Variants in ABCG1 observed in about 807,000 individuals in gnomAD.
The protein encoded by ABCG1 is ATP binding cassette subfamily G member 1.
In ABCG1, 29 loss-of-function variants were observed where a neutral mutation model predicts 69.2. That is an observed-to-expected ratio of 0.42 (90% CI 0.31 to 0.57). ABCG1 has a LOEUF of 0.57. Among genes scored for constraint, ABCG1 ranks in the 20% least tolerant of loss-of-function variants. The probability of loss-of-function intolerance (pLI) is 0.15; values close to 1 mark genes in which losing one functional copy is unlikely to be tolerated. For synonymous variants in ABCG1, 370 were observed against 374.8 expected (o/e 0.99, Z 0.15); for missense variants, 718 against 898.1 (o/e 0.80, Z 2.56).
In ABCG1 at chr21:42,219,508, CTTGCACCGGCAGAGAGCACGGACTA is replaced by C. The variant is rs2067686313; in HGVS notation, c.42+205_42+229del. 6.6e-6 allele frequency among the ~76,000 whole-genome samples: 1 copy of C among 152,190 alleles called. No individual in the cohort carries two copies. Among genetic ancestry groups the C allele is most frequent in the African/African-American group, 2.4e-5 (1 of 41,458 alleles). On this transcript the variant is annotated intron_variant, in intron 1 of 14. Transcript: ENST00000398449. This position sits in a 1 kb window ranked among gnomAD's most constrained non-coding sequence, Gnocchi z 5.3. ...GGCCACCTGGAGCCTCGGGATGCCC[CTTGCACCGGCAGAGAGCACGGACTA>C]GGTGGAGGGGCCGGGAGTGGGGCGG...
intron 2 of ABCG1, chr21:42,256,632 G>A (rs1447964324): frequency 2.7e-6 from 4 of 1,488,618 alleles, no homozygotes; most frequent in Non-Finnish European, 3.6e-6. Flanking sequence ...CTCTCAGAGT[G>A]CTGGGGACAG....
chr21:42,205,597 C>CAA (rs538097170), intron 2 of ABCG1, among the ~76,000 whole-genome samples: 1 of 117,688 alleles, frequency 8.5e-6, no homozygotes, highest in African/African-American at 3.1e-5. Context: ...GACTCCATCT[C>CAA]AAAAAAAAAA....
At chr21:42,280,788 C>G (rs2068794162) in intron 5 of ABCG1, among the ~76,000 whole-genome samples, 1 of 152,242 alleles carries the variant, frequency 6.6e-6, no homozygotes, top group Admixed American at 6.5e-5. Flanking sequence ...ACCAGAGCCA[C>G]TCAGTCGGCC....
At chr21:42,282,783 C>T (rs1051294288) in intron 6 of ABCG1, among the ~76,000 whole-genome samples, 5 of 152,236 alleles carry the variant, frequency 3.3e-5, no homozygotes, top group African/African-American at 7.2e-5. Context: ...GTTCTGGAAA[C>T]GCCCTGCAGT....
At chr21:42,274,360 T>C (rs1008774668) in intron 4 of ABCG1, among the ~76,000 whole-genome samples, 1 of 152,126 alleles carries the variant, frequency 6.6e-6, no homozygotes, top group African/African-American at 2.4e-5. Context: ...CTTCCCCTCT[T>C]GGGGCCACAG....
intron 1 of ABCG1, chr21:42,221,284 G>A (rs774016147): frequency 2.6e-5 from 4 of 152,084 alleles, no homozygotes; most frequent in East Asian, 3.8e-4. Flanking sequence ...GGGGCTGTAG[G>A]GTTAAAAGAA....
intron 1 of ABCG1, among the ~76,000 whole-genome samples, chr21:42,223,031 T>G (rs2123509721): frequency 6.6e-6 from 1 of 152,188 alleles, no homozygotes; most frequent in East Asian, 1.9e-4. Flanking sequence ...TCCCCAAAGA[T>G]CTCTAGATAA....
At chr21:42,295,987 A>T (rs1286423090) in intron 14 of ABCG1, among the ~76,000 whole-genome samples, 177 bp from the exon 15 acceptor site, 2 of 152,116 alleles carry the variant, frequency 1.3e-5, no homozygotes. Context: ...GAGCTGTTGC[A>T]CGTGTTTGTC....
At chr21:42,267,723 CTGGTCTGGGTTCTGTCTCGGTG>C (rs2068536773) in intron 2 of ABCG1, among the ~76,000 whole-genome samples, 1 of 142,656 alleles carries the variant, frequency 7.0e-6, no homozygotes, top group African/African-American at 2.6e-5. Flanking sequence ...CTATCTGGGT[CTGGTCTGGGTTCTGTCTCGGTG>C]TGGTCTGGGT....
intron 1 of ABCG1, among the ~76,000 whole-genome samples, chr21:42,201,274 G>A (rs1343201368): frequency 6.8e-6 from 1 of 146,624 alleles, no homozygotes; most frequent in African/African-American, 2.5e-5. Context: ...AGATCATCAG[G>A]CATTAGTTAG....
chr21:42,280,579 GT>G (rs2068790113), intron 5 of ABCG1, among the ~76,000 whole-genome samples: 1 of 152,216 alleles, frequency 6.6e-6, no homozygotes. Context: ...TTTCTGACTA[GT>G]CTTTAAAACA....
In ABCG1 at chr21:42,276,821, C is replaced by T. The variant is rs1302019177; in HGVS notation, c.538-74C>T. On this transcript the variant is annotated intron_variant, in intron 4 of 14. Coordinates refer to ENST00000398449, the MANE Select transcript of ABCG1 (RefSeq NM_016818.3). This position sits in a 1 kb window ranked among gnomAD's most constrained non-coding sequence, Gnocchi z 5.3. ...TCTTGGCTAGCTGCACCGTGGCCTG[C>T]AGTGCGGGCATGAGGCTCACACTGC... The T allele has an allele frequency of 8.0e-6, 12 of 1,495,516 alleles. No homozygotes were observed. The highest frequency in any genetic ancestry group is 1.1e-5 in the Non-Finnish European group (12 of 1,076,192). 92.6% of individuals were successfully genotyped at this position (1,495,516 alleles called of 1,614,324 possible).
At chr21:42,242,762 C>A (rs113405867) in intron 2 of ABCG1, among the ~76,000 whole-genome samples, 121 of 152,102 alleles carry the variant, frequency 8.0e-4, no homozygotes, top group Non-Finnish European at 1.3e-3. Flanking sequence ...TGAACCATAT[C>A]GTTGTTTGTT....
In ABCG1 at chr21:42,289,884, C is replaced by T. The variant is rs555079229; in HGVS notation, c.1225-166C>T. Among the ~76,000 whole-genome samples the T allele has an allele frequency of 1.2e-3, 187 of 152,136 alleles. 2 individuals carry two copies. The highest frequency in any genetic ancestry group is 2.3e-3 in the Non-Finnish European group (157 of 68,004). ...TGTGAGTGTGTGTGTGTATGTGAGT[C>T]GCTTTAGGGTTTGGCTTGTTTCTCT... On this transcript the variant is annotated intron_variant, in intron 10 of 14. Coordinates refer to ENST00000398449, the MANE Select transcript of ABCG1 (RefSeq NM_016818.3).
intron 2 of ABCG1, among the ~76,000 whole-genome samples, chr21:42,251,790 C>A (rs1462567858): frequency 6.6e-6 from 1 of 152,236 alleles, no homozygotes; most frequent in Non-Finnish European, 1.5e-5. Context: ...GGAGCCCCTA[C>A]TCTTCCCAGG....
intron 2 of ABCG1, among the ~76,000 whole-genome samples, chr21:42,243,930 T>C (rs1408250075): frequency 6.8e-6 from 1 of 146,442 alleles, no homozygotes; most frequent in East Asian, 2.1e-4. Context: ...GCCATTCTCC[T>C]GCCTCAGCCT....
intron 13 of ABCG1, among the ~76,000 whole-genome samples, chr21:42,293,332 CACACTACACACT>C (rs2069124439): frequency 7.1e-6 from 1 of 141,172 alleles, no homozygotes; most frequent in Admixed American, 7.1e-5. Context: ...CACTACACAC[CACACTACACACT>C]ACCCACCACA....
intron 2 of ABCG1, among the ~76,000 whole-genome samples, chr21:42,261,062 C>T (rs1032106405): frequency 2.6e-5 from 4 of 152,122 alleles, no homozygotes; most frequent in African/African-American, 9.7e-5. Context: ...ACCTTGTGAT[C>T]CACCCGCCTC....
At chr21:42,201,681 G>A in exon 2 of ABCG1, 1 of 1,612,886 alleles carries the variant, frequency 6.2e-7, no homozygotes, top group African/African-American at 1.3e-5. Context: ...TCTTGATGCT[G>A]GGAACGCAGG....
Sources: gnomAD v4.1 joint callset for allele counts (sites outside exome capture counted in the v4.1 genomes callset) on GRCh38, gnomAD v4.1.1 for gene constraint, Gnocchi (gnomAD v3.1) non-coding constraint, MANE v1.5 for transcripts, NCBI Gene and HGNC (gene_info 2026-07-23, HGNC 2026-07-21) for gene names.